The following VAV2 variants were observed in gnomAD, a reference collection of about 807,000 sequenced individuals.
VAV2 encodes vav guanine nucleotide exchange factor 2, also known as guanine nucleotide exchange factor VAV2.
Under a neutral mutation model 132.5 loss-of-function variants are expected in VAV2, and 67 were observed. That is an observed-to-expected ratio of 0.51 (90% confidence interval 0.42 to 0.62). The LOEUF (loss-of-function observed/expected upper bound fraction) is 0.62. VAV2 is among the 20% of genes least tolerant of loss of function. VAV2 has a pLI of 0.00. For missense variants in VAV2, 938 were observed against 1,153.6 expected, an observed-to-expected ratio of 0.81 and a Z score of 2.71; for synonymous variants, 492 against 443.5, an observed-to-expected ratio of 1.11 and a Z score of -1.37.
At chr9:133,921,079 C>G (rs752542861) in intron 2 of VAV2, among the ~76,000 whole-genome samples, 1 of 152,196 alleles carries the variant, frequency 6.6e-6, no homozygotes. Context: ...ATCTCTGAAG[C>G]CGTGCAGCCC....
chr9:133,898,426 T>TA (rs145274619), intron 2 of VAV2, among the ~76,000 whole-genome samples: 19,388 of 143,652 alleles, frequency 0.13, 1,338 homozygotes, highest in African/African-American at 0.17. Flanking sequence ...TTGTCTCTAC[T>TA]AAAAAAAAAA....
At chr9:133,909,218 G>T (rs1325604981) in intron 2 of VAV2, among the ~76,000 whole-genome samples, 1 of 152,094 alleles carries the variant, frequency 6.6e-6, no homozygotes, top group African/African-American at 2.4e-5. Context: ...ACATGGGGAG[G>T]TTGGGCTGGG....
At chr9:133,906,415 C>T (rs551687753) in intron 2 of VAV2, among the ~76,000 whole-genome samples, 3 of 152,324 alleles carry the variant, frequency 2.0e-5, no homozygotes, top group African/African-American at 7.2e-5. Flanking sequence ...CACAGTCCTC[C>T]GGGGAGCCGC....
intron 4 of VAV2, among the ~76,000 whole-genome samples, chr9:133,813,615 G>A (rs940214742): frequency 2.0e-5 from 3 of 152,246 alleles, no homozygotes; most frequent in Non-Finnish European, 4.4e-5. Flanking sequence ...AGCCGGGGGT[G>A]AGCCCAGCTC....
At chr9:133,766,227 C>G (rs1336708102) in intron 29 of VAV2, among the ~76,000 whole-genome samples, 1 of 152,092 alleles carries the variant, frequency 6.6e-6, no homozygotes, top group East Asian at 1.9e-4. Context: ...TTCTAGATCC[C>G]TGAGGAATTC....
chr9:133,911,924 C>T (rs1222976214), intron 2 of VAV2, among the ~76,000 whole-genome samples: 2 of 151,798 alleles, frequency 1.3e-5, no homozygotes, highest in Non-Finnish European at 2.9e-5. Flanking sequence ...GTCAGATTTT[C>T]TTTTTTTTTA....
intron 29 of VAV2, among the ~76,000 whole-genome samples, chr9:133,765,982 T>C (rs1833418679): frequency 6.6e-6 from 1 of 152,166 alleles, no homozygotes; most frequent in South Asian, 2.1e-4. Flanking sequence ...TGTGAATATT[T>C]AAAAAGAAAG....
chr9:133,889,854 T>C (rs572717471), intron 2 of VAV2, among the ~76,000 whole-genome samples: 7 of 152,316 alleles, frequency 4.6e-5, no homozygotes, highest in African/African-American at 1.4e-4. Flanking sequence ...TTAATGTCGA[T>C]ACAAGGCTGA....
At chr9:133,887,293 C>G (rs1225104808) in intron 2 of VAV2, among the ~76,000 whole-genome samples, 1 of 152,150 alleles carries the variant, frequency 6.6e-6, no homozygotes, top group Non-Finnish European at 1.5e-5. Context: ...GGCCCCAGAC[C>G]CCCTTGGATG....
At chr9:133,908,267 G>A (rs983197564) in intron 2 of VAV2, among the ~76,000 whole-genome samples, 3 of 152,002 alleles carry the variant, frequency 2.0e-5, no homozygotes, top group Admixed American at 6.5e-5. Flanking sequence ...GCGGAGATGG[G>A]GTGAGCCTGG....
intron 1 of VAV2, among the ~76,000 whole-genome samples, chr9:133,963,816 G>T (rs1842039318): frequency 6.6e-6 from 1 of 151,902 alleles, no homozygotes. Flanking sequence ...AACATGCAAG[G>T]AAAACTATGT....
chr9:133,856,569 G>T (rs1837393501), intron 3 of VAV2, among the ~76,000 whole-genome samples: 1 of 152,148 alleles, frequency 6.6e-6, no homozygotes, highest in Non-Finnish European at 1.5e-5. Flanking sequence ...CAATCCAGGG[G>T]GCTCTGCTCC....
At chr9:133,786,046 G>C in intron 16 of VAV2, 161 bp from the exon 17 acceptor site, 1 of 706,652 alleles carries the variant, frequency 1.4e-6, no homozygotes, top group Non-Finnish European at 2.5e-6. Context: ...GTGTGTACCT[G>C]CTCTCTTGCC....
chr9:133,960,874 G>A (rs930322748), intron 1 of VAV2, among the ~76,000 whole-genome samples: 2 of 152,242 alleles, frequency 1.3e-5, no homozygotes, highest in African/African-American at 2.4e-5. Context: ...AGGCTCCCCG[G>A]GGACAGAGCC....
chr9:133,893,399 C>T (rs1839059951), intron 2 of VAV2, among the ~76,000 whole-genome samples: 2 of 152,198 alleles, frequency 1.3e-5, no homozygotes, highest in Admixed American at 6.5e-5. Context: ...GTCCCACAGT[C>T]GGGCAGCGCC....
At chr9:133,893,483 C>A (rs897784038) in intron 2 of VAV2, among the ~76,000 whole-genome samples, 1 of 152,222 alleles carries the variant, frequency 6.6e-6, no homozygotes, top group African/African-American at 2.4e-5. Context: ...ACCTGCCCCG[C>A]ACGGCCGCCT....
intron 3 of VAV2, among the ~76,000 whole-genome samples, chr9:133,844,221 A>AT (rs1836840448): frequency 6.6e-6 from 1 of 152,124 alleles, no homozygotes; most frequent in Non-Finnish European, 1.5e-5. Context: ...TGTAAGGCAT[A>AT]ATATATATTT....
At chr9:133,970,377 G>A (rs1221022260) in intron 1 of VAV2, among the ~76,000 whole-genome samples, 7 of 152,188 alleles carry the variant, frequency 4.6e-5, no homozygotes, top group African/African-American at 1.4e-4. Flanking sequence ...CACCACGTTC[G>A]GTGCTTGCTG....
At chr9:133,973,971 C>T (rs560430331) in intron 1 of VAV2, among the ~76,000 whole-genome samples, 46 of 152,240 alleles carry the variant, frequency 3.0e-4, no homozygotes, top group Non-Finnish European at 6.3e-4. Context: ...GAGTCCTGAC[C>T]CCAGATTACC....
Sources: gnomAD v4.1 joint callset for allele counts (sites outside exome capture counted in the v4.1 genomes callset) on GRCh38, gnomAD v4.1.1 for gene constraint, MANE v1.5 for transcripts, NCBI Gene and HGNC (gene_info 2026-07-23, HGNC 2026-07-21) for gene names.